The following ASCC3 variants were observed in gnomAD, a reference collection of about 807,000 sequenced individuals.
ASCC3 encodes activating signal cointegrator 1 complex subunit 3.
ASCC3 carries 158 observed loss-of-function variants against 256.3 expected under a neutral mutation model. The observed-to-expected ratio is 0.62, with a 90% CI of 0.54 to 0.70. ASCC3 has a LOEUF of 0.70. ASCC3 is among the 30% of genes least tolerant of loss of function. The pLI is 0.00. For synonymous variants in ASCC3, 948 were observed against 883.4 expected, an observed-to-expected ratio of 1.07 and a Z score of -1.30; for missense variants, 2,259 against 2,626.0, an observed-to-expected ratio of 0.86 and a Z score of 3.05.
chr6:100,587,300 TAA>T (rs78769945), intron 36 of ASCC3, among the ~76,000 whole-genome samples: 19 of 137,860 alleles, frequency 1.4e-4, no homozygotes, highest in Admixed American at 1.5e-4. Flanking sequence ...CTTTTCATGG[TAA>T]AAAAAAAAAA....
chr6:100,607,795 C>A (rs1278322448), intron 30 of ASCC3, among the ~76,000 whole-genome samples: 1 of 151,404 alleles, frequency 6.6e-6, no homozygotes, highest in African/African-American at 2.4e-5. Context: ...TTACTATGTT[C>A]TCAAAACTCT....
At chr6:100,864,028 T>G (rs1018137856) in intron 3 of ASCC3, 36 bp downstream of exon 3, 2 of 1,429,184 alleles carry the variant, frequency 1.4e-6, no homozygotes, top group African/African-American at 3.0e-5. Flanking sequence ...TTACTGGTTC[T>G]CTTTAAAAAA....
intron 37 of ASCC3, among the ~76,000 whole-genome samples, chr6:100,524,030 A>T (rs1774435934): frequency 6.6e-6 from 1 of 152,170 alleles, no homozygotes; most frequent in South Asian, 2.1e-4. Context: ...ACTATGAGGC[A>T]GGCATTAATA....
intron 8 of ASCC3, among the ~76,000 whole-genome samples, chr6:100,792,689 A>G (rs1359681614): frequency 5.9e-5 from 9 of 152,106 alleles, no homozygotes; most frequent in African/African-American, 2.2e-4. Flanking sequence ...TTAAGGTTCT[A>G]TCTAAGAATT....
chr6:100,661,873 A>C lies in ASCC3; in HGVS notation c.2636T>G (p.Leu879Trp). 6.2e-7 allele frequency: 1 copy of C among 1,613,406 alleles called. No individual in the cohort carries two copies. Among genetic ancestry groups the C allele is most frequent in the Non-Finnish European group, 8.5e-7 (1 of 1,179,478 alleles). Residue 879 changes from leucine to tryptophan, a missense_variant, in exon 16 of 42, where the codon TTG becomes TGG. Coordinates refer to ENST00000369162, the MANE Select transcript of ASCC3 (RefSeq NM_006828.4). The stretch of plus-strand genomic sequence containing the variant: ...CTCAATTGGGTTTCGTTGAGTGAGC[A>C]AAGTGAGGTAATGGCTGAGTTTATC... Reference protein sequence around the residue: ...THDKLSHYLTLLTQRNPIESQ... With the variant: ...THDKLSHYLTWLTQRNPIESQ...
chr6:100,596,488 C>G (rs1305262603), intron 34 of ASCC3, among the ~76,000 whole-genome samples: 1 of 152,120 alleles, frequency 6.6e-6, no homozygotes, highest in Non-Finnish European at 1.5e-5. Context: ...TTTTTAGTCT[C>G]TCTAAAAATC....
At chr6:100,848,050 A>G in intron 4 of ASCC3, 98 bp downstream of exon 4, 1 of 1,227,382 alleles carries the variant, frequency 8.1e-7, no homozygotes, top group Non-Finnish European at 1.1e-6. Flanking sequence ...TATACAGAAC[A>G]TTAAAGAACT....
At chr6:100,580,674 T>C (rs867429035) in intron 36 of ASCC3, among the ~76,000 whole-genome samples, 10 of 151,880 alleles carry the variant, frequency 6.6e-5, no homozygotes, top group African/African-American at 2.2e-4. Flanking sequence ...GCTGGTGCGC[T>C]GCACCCACTA....
chr6:100,570,331 G>T (rs1341378081), intron 36 of ASCC3, among the ~76,000 whole-genome samples: 2 of 152,146 alleles, frequency 1.3e-5, no homozygotes, highest in East Asian at 3.9e-4. Context: ...AAACAGGAAT[G>T]GTGAGAATGG....
At chr6:100,826,292 C>T (rs1264586716) in intron 4 of ASCC3, among the ~76,000 whole-genome samples, 8 of 151,888 alleles carry the variant, frequency 5.3e-5, no homozygotes, top group South Asian at 4.2e-4. Flanking sequence ...CCACCACGCC[C>T]GGCTAATTTT....
intron 18 of ASCC3, 35 bp downstream of exon 18, chr6:100,652,690 A>T: frequency 6.3e-7 from 1 of 1,588,786 alleles, no homozygotes; most frequent in Non-Finnish European, 8.6e-7. Context: ...AAGTATTTGC[A>T]TCTAAAATCA....
intron 5 of ASCC3, 47 bp from the exon 6 acceptor site, chr6:100,800,551 G>T (rs927185996): frequency 1.1e-5 from 15 of 1,403,014 alleles, no homozygotes; most frequent in Non-Finnish European, 1.5e-5. Context: ...ATCTGAATAT[G>T]ATTTAACCTT....
chr6:100,821,055 G>T (rs529296465), intron 4 of ASCC3, among the ~76,000 whole-genome samples: 2 of 152,232 alleles, frequency 1.3e-5, no homozygotes, highest in East Asian at 1.9e-4. Flanking sequence ...TTTAAGTTGG[G>T]GTTTTGATCT....
At chr6:100,680,762 C>G (rs1777259535) in intron 13 of ASCC3, among the ~76,000 whole-genome samples, 1 of 152,138 alleles carries the variant, frequency 6.6e-6, no homozygotes, top group South Asian at 2.1e-4. Context: ...AGGCCTGAAG[C>G]AACTTGGATG....
chr6:100,793,040 T>C (rs1375345535), intron 8 of ASCC3, among the ~76,000 whole-genome samples: 2 of 151,992 alleles, frequency 1.3e-5, no homozygotes, highest in African/African-American at 4.8e-5. Context: ...TGTGGAGTAG[T>C]AGTGGATGCT....
At chr6:100,537,879 T>A (rs1775242460) in intron 37 of ASCC3, among the ~76,000 whole-genome samples, 1 of 150,368 alleles carries the variant, frequency 6.7e-6, no homozygotes, top group African/African-American at 2.4e-5. Context: ...ACACTGTATA[T>A]AAGGATATAT....
At chr6:100,753,309 A>AT (rs1562272591) in intron 10 of ASCC3, among the ~76,000 whole-genome samples, 3 of 116,300 alleles carry the variant, frequency 2.6e-5, no homozygotes, top group Admixed American at 9.8e-5. Flanking sequence ...CAATAGCAAA[A>AT]CAAAACAAAA....
intron 16 of ASCC3, among the ~76,000 whole-genome samples, chr6:100,658,444 T>C (rs1278975179): frequency 6.6e-6 from 1 of 151,452 alleles, no homozygotes; most frequent in African/African-American, 2.4e-5. Context: ...TGAGTATGCA[T>C]GCGTGTGTAT....
chr6:100,606,890 T>C lies in ASCC3; in HGVS notation c.4924-30A>G, dbSNP rs2114806939. The C allele has an allele frequency of 2.5e-6, 4 of 1,604,802 alleles. No homozygotes were observed. In the East Asian group the frequency reaches 9.1e-5, roughly 36 times the overall value. ...AAAGCAAAATAAAATATCTTATATC[T>C]AAGTAAAATATAACTTTTAAGTTAC... On this transcript the variant is annotated intron_variant, in intron 31 of 41. Transcript: ENST00000369162.
Sources: gnomAD v4.1 joint callset for allele counts (sites outside exome capture counted in the v4.1 genomes callset) on GRCh38, gnomAD v4.1.1 for gene constraint, MANE v1.5 for transcripts, NCBI Gene and HGNC (gene_info 2026-07-23, HGNC 2026-07-21) for gene names.